The following DPP10 variants were observed in gnomAD, a reference collection of about 807,000 sequenced individuals.
The protein encoded by DPP10 is dipeptidyl peptidase like 10, also known as inactive dipeptidyl peptidase 10.
DPP10 carries 33 observed loss-of-function variants against 120.9 expected under a neutral mutation model. The observed-to-expected ratio is 0.27, with a 90% CI of 0.21 to 0.37. DPP10 has a LOEUF of 0.37. DPP10 is among the 10% of genes least tolerant of loss of function. The probability of loss-of-function intolerance (pLI) is 1.00; values close to 1 mark genes in which losing one functional copy is unlikely to be tolerated. For synonymous variants in DPP10, 337 were observed against 326.1 expected, an observed-to-expected ratio of 1.03 and a Z score of -0.36; for missense variants, 816 against 942.8, an observed-to-expected ratio of 0.87 and a Z score of 1.76.
chr2:115,470,753 C>G (rs1276849145), intron 3 of DPP10, among the ~76,000 whole-genome samples: 3 of 152,096 alleles, frequency 2.0e-5, no homozygotes, highest in African/African-American at 7.2e-5. Context: ...CCCTTCTCCC[C>G]CAGTCTCAGT....
At chr2:114,673,590 G>T (rs1457311061) in intron 1 of DPP10, among the ~76,000 whole-genome samples, 1 of 151,842 alleles carries the variant, frequency 6.6e-6, no homozygotes, top group East Asian at 1.9e-4. Flanking sequence ...CAAGAAGATG[G>T]GTCTACAGAT....
intron 1 of DPP10, among the ~76,000 whole-genome samples, chr2:114,543,817 T>C (rs1687146315): frequency 6.6e-6 from 1 of 152,152 alleles, no homozygotes; most frequent in Non-Finnish European, 1.5e-5. Context: ...CAATGTCTGC[T>C]AGTCTACTAG....
At chr2:115,329,525 G>T (rs954859168) in intron 2 of DPP10, among the ~76,000 whole-genome samples, 4 of 151,992 alleles carry the variant, frequency 2.6e-5, no homozygotes, top group African/African-American at 4.8e-5. Context: ...CCATGTTGGT[G>T]TGCTGCACCC....
At chr2:114,697,194 G>A (rs1460500221) in intron 1 of DPP10, among the ~76,000 whole-genome samples, 1 of 151,978 alleles carries the variant, frequency 6.6e-6, no homozygotes, top group Non-Finnish European at 1.5e-5. Flanking sequence ...TTGCAGAAAA[G>A]TTACCAGATA....
At chr2:115,320,891 A>C (rs1173355880) in intron 2 of DPP10, among the ~76,000 whole-genome samples, 1 of 152,104 alleles carries the variant, frequency 6.6e-6, no homozygotes, top group African/African-American at 2.4e-5. Flanking sequence ...TTTGGAGGGC[A>C]GTTCTACTTA....
At chr2:115,063,507 C>A (rs1706585359) in intron 1 of DPP10, among the ~76,000 whole-genome samples, 1 of 152,144 alleles carries the variant, frequency 6.6e-6, no homozygotes, top group African/African-American at 2.4e-5. Context: ...TGCTACCTGA[C>A]TTCAAACTAT....
At chr2:115,005,642 T>C (rs1181987430) in intron 1 of DPP10, among the ~76,000 whole-genome samples, 1 of 151,718 alleles carries the variant, frequency 6.6e-6, no homozygotes, top group Non-Finnish European at 1.5e-5. Flanking sequence ...ATGAATGAAA[T>C]GAAGCGAGAA....
intron 1 of DPP10, among the ~76,000 whole-genome samples, chr2:114,690,599 A>G (rs115431372): frequency 0.028 from 4,230 of 151,920 alleles, 98 homozygotes; most frequent in Middle Eastern, 0.058. Flanking sequence ...ATATACAAAT[A>G]TTTTTTCTAA....
At chr2:115,346,811 G>A (rs2063733341) in intron 3 of DPP10, among the ~76,000 whole-genome samples, 1 of 152,094 alleles carries the variant, frequency 6.6e-6, no homozygotes, top group South Asian at 2.1e-4. Flanking sequence ...AGAAAACTGA[G>A]GCTTAACTCA....
At chr2:114,526,708 G>A (rs1685529505) in intron 1 of DPP10, among the ~76,000 whole-genome samples, 2 of 152,054 alleles carry the variant, frequency 1.3e-5, no homozygotes, top group Admixed American at 1.3e-4. Flanking sequence ...ATGATGGAAG[G>A]AATGAGAGAG....
At chr2:115,831,383 G>C (rs191974226) in intron 21 of DPP10, among the ~76,000 whole-genome samples, 1 of 152,146 alleles carries the variant, frequency 6.6e-6, no homozygotes, top group East Asian at 1.9e-4. Flanking sequence ...TGAGTAGCTG[G>C]GATTAGCCAC....
intron 16 of DPP10, 77 bp from the exon 17 acceptor site, chr2:115,782,275 A>ACT: frequency 1.5e-6 from 2 of 1,333,374 alleles, no homozygotes; most frequent in Non-Finnish European, 2.1e-6. Flanking sequence ...GGGGGGAAAA[A>ACT]ACTATTATGT....
chr2:115,840,473 C>T (rs947781535), intron 24 of DPP10, among the ~76,000 whole-genome samples: 3 of 151,286 alleles, frequency 2.0e-5, no homozygotes, highest in Non-Finnish European at 2.9e-5. Context: ...TACAGGTGCC[C>T]GCCACCACAC....
intron 21 of DPP10, among the ~76,000 whole-genome samples, chr2:115,824,671 T>A (rs973720231): frequency 2.0e-5 from 3 of 152,164 alleles, no homozygotes; most frequent in Admixed American, 2.0e-4. Flanking sequence ...TTATGGCCAC[T>A]TCGTATTCCA....
chr2:114,766,503 AT>A (rs1223275919), intron 1 of DPP10, among the ~76,000 whole-genome samples: 6 of 151,162 alleles, frequency 4.0e-5, no homozygotes, highest in East Asian at 1.9e-4. Context: ...CATTTATAGC[AT>A]TTTTTTTTAC....
chr2:115,141,208 T>A (rs2050909743), intron 1 of DPP10, among the ~76,000 whole-genome samples: 1 of 152,198 alleles, frequency 6.6e-6, no homozygotes, highest in African/African-American at 2.4e-5. Context: ...TCTCATTGCT[T>A]CTACTCAGTA....
intron 1 of DPP10, among the ~76,000 whole-genome samples, chr2:115,297,672 C>G (rs1186712028): frequency 6.6e-6 from 1 of 151,982 alleles, no homozygotes; most frequent in South Asian, 2.1e-4. Context: ...AGTCTGTTAA[C>G]TAGAAACTAC....
rs545510312 is a variant in DPP10 at position 114,812,491 on chromosome 2, G to A, written c.60+369653G>A. Among the ~76,000 whole-genome samples, 116 of 151,820 alleles carry A rather than the reference G, an allele frequency of 7.6e-4. 2 individuals are homozygous for A. The highest frequency in any genetic ancestry group is 4.1e-3 in the Admixed American group (63 of 15,238). On this transcript the variant is annotated intron_variant, in intron 1 of 25. Transcript: ENST00000410059. ...TCGTTCCAGCTACTCAGGATGCTAAGGTGGGAGGATCACTTGAGCCTAGGA... is the reference window on the plus strand; with the variant it reads ...TCGTTCCAGCTACTCAGGATGCTAAAGTGGGAGGATCACTTGAGCCTAGGA...
intron 1 of DPP10, among the ~76,000 whole-genome samples, chr2:114,832,093 C>T (rs1313384315): frequency 6.6e-6 from 1 of 151,964 alleles, no homozygotes; most frequent in African/African-American, 2.4e-5. Context: ...CCAACACTAC[C>T]TTAGTCCTAA....
Sources: gnomAD v4.1 joint callset for allele counts (sites outside exome capture counted in the v4.1 genomes callset) on GRCh38, gnomAD v4.1.1 for gene constraint, MANE v1.5 for transcripts, NCBI Gene and HGNC (gene_info 2026-07-23, HGNC 2026-07-21) for gene names.